The following NRCAM variants were observed in gnomAD, a reference collection of about 807,000 sequenced individuals.
The protein encoded by NRCAM is neuronal cell adhesion molecule.
In NRCAM, 83 loss-of-function variants were observed where a neutral mutation model predicts 156.5. The observed-to-expected ratio is 0.53, with a 90% confidence interval of 0.44 to 0.64. The LOEUF (loss-of-function observed/expected upper bound fraction) is 0.64, where lower values mean the gene tolerates loss of function less well. Ranked by LOEUF, NRCAM falls within the 30% of genes least tolerant of loss-of-function variation. The pLI is 0.00. For synonymous variants in NRCAM, 538 were observed against 563.9 expected, an observed-to-expected ratio of 0.95 and a Z score of 0.65; for missense variants, 1,417 against 1,597.3, an observed-to-expected ratio of 0.89 and a Z score of 1.92.
intron 2 of NRCAM, among the ~76,000 whole-genome samples, chr7:108,391,242 T>G (rs555985989): frequency 7.9e-5 from 12 of 152,264 alleles, no homozygotes; most frequent in African/African-American, 2.9e-4. Context: ...ACTTGCTTTA[T>G]GAATCTGGGT....
chr7:108,379,529 T>C (rs2099691930), intron 2 of NRCAM, among the ~76,000 whole-genome samples: 1 of 152,068 alleles, frequency 6.6e-6, no homozygotes, highest in African/African-American at 2.4e-5. Flanking sequence ...GTTCTGGAGA[T>C]TGGTTGCCTG....
chr7:108,317,913 A>G (rs1005255943), intron 2 of NRCAM, among the ~76,000 whole-genome samples: 1 of 151,392 alleles, frequency 6.6e-6, no homozygotes, highest in Admixed American at 6.6e-5. Context: ...AGTCCCAGAA[A>G]AAAAAAAAAA....
rs1168191688 is a variant in NRCAM, at chr7:108,226,196, CT to C, written c.721+11del. On this transcript the variant is annotated intron_variant, in intron 9 of 32. Coordinates refer to ENST00000379028, the MANE Select transcript of NRCAM (RefSeq NM_001037132.4). ...GTCATTGAAGGGGAGATTTGGGAAG[CT>C]GAACTCTTACCTGAAATCACCTTCA... The C allele has an allele frequency of 6.4e-7, 1 of 1,565,394 alleles. No homozygotes were observed. The highest frequency in any genetic ancestry group is 8.6e-7 in the Non-Finnish European group (1 of 1,157,610).
At chr7:108,421,301 T>C (rs569973122) in intron 1 of NRCAM, among the ~76,000 whole-genome samples, 2 of 152,306 alleles carry the variant, frequency 1.3e-5, no homozygotes, top group South Asian at 2.1e-4. Flanking sequence ...TTTAGCTAAT[T>C]TGCAAAAACT....
At chr7:108,194,540 G>T in intron 15 of NRCAM, 112 bp from the exon 16 acceptor site, 2 of 697,018 alleles carry the variant, frequency 2.9e-6, no homozygotes, top group Non-Finnish European at 4.6e-6. Context: ...AAAGTTGCAA[G>T]GCTAGAAGGA....
intron 3 of NRCAM, among the ~76,000 whole-genome samples, chr7:108,306,767 A>T (rs780414512): frequency 6.6e-6 from 1 of 152,190 alleles, no homozygotes; most frequent in Non-Finnish European, 1.5e-5. Context: ...CAGAGTGGAA[A>T]CAGAATTACC....
chr7:108,402,970 G>A (rs2099797277), intron 1 of NRCAM, among the ~76,000 whole-genome samples: 2 of 152,198 alleles, frequency 1.3e-5, no homozygotes, highest in South Asian at 2.1e-4. Context: ...CATGTGAAAG[G>A]TGTCAGTCCC....
intron 1 of NRCAM, among the ~76,000 whole-genome samples, chr7:108,414,166 G>A (rs1169905505): frequency 6.6e-6 from 1 of 152,192 alleles, no homozygotes; most frequent in Non-Finnish European, 1.5e-5. Context: ...TAAGAGACAG[G>A]AGACAAGAAG....
chr7:108,409,631 T>C (rs1368439766), intron 1 of NRCAM, among the ~76,000 whole-genome samples: 1 of 152,206 alleles, frequency 6.6e-6, no homozygotes, highest in Non-Finnish European at 1.5e-5. Flanking sequence ...AGACCCCATT[T>C]TGGGGGAGGA....
At chr7:108,306,711 A>G (rs907189164) in intron 3 of NRCAM, among the ~76,000 whole-genome samples, 6 of 152,202 alleles carry the variant, frequency 3.9e-5, no homozygotes, top group Non-Finnish European at 7.3e-5. Context: ...ATGTTATTTA[A>G]TGAGAATTCA....
intron 2 of NRCAM, among the ~76,000 whole-genome samples, chr7:108,388,940 C>A (rs192735145): frequency 6.6e-6 from 1 of 152,132 alleles, no homozygotes; most frequent in African/African-American, 2.4e-5. Context: ...GTACCAGTAC[C>A]ATGCTGTTTT....
At chr7:108,364,269 A>G (rs1476188813) in intron 2 of NRCAM, among the ~76,000 whole-genome samples, 4 of 152,252 alleles carry the variant, frequency 2.6e-5, no homozygotes, top group South Asian at 2.1e-4. Context: ...CAACATCATT[A>G]GTCATTAAGA....
chr7:108,444,024 G>A (rs1841755122), intron 1 of NRCAM, among the ~76,000 whole-genome samples: 1 of 152,034 alleles, frequency 6.6e-6, no homozygotes, highest in African/African-American at 2.4e-5. Context: ...GTATCCCTGG[G>A]TTTTGCATCT....
At position 108,377,154 on chromosome 7, in the gene NRCAM, CA is replaced by C. The variant is rs981362526; in HGVS notation, c.-174+22281del. ...ACTACAGCCTGGGAGACCCTGCCTC[CA>C]AAAAAAATTGAAAGTGAATGGAACA... On this transcript the variant is annotated intron_variant, in intron 2 of 32. Transcript: ENST00000379028. Among the ~76,000 whole-genome samples the C allele has an allele frequency of 2.0e-5, 3 of 151,188 alleles. No homozygotes were observed. In the East Asian group the frequency reaches 5.8e-4, roughly 29 times the overall value.
At chr7:108,190,968 C>T (rs1190264390) in intron 19 of NRCAM, among the ~76,000 whole-genome samples, 1 of 152,148 alleles carries the variant, frequency 6.6e-6, no homozygotes, top group African/African-American at 2.4e-5. Flanking sequence ...CACTATGCTA[C>T]TTTAAAAGGA....
At chr7:108,430,708 A>G (rs923101360) in intron 1 of NRCAM, among the ~76,000 whole-genome samples, 6 of 152,166 alleles carry the variant, frequency 3.9e-5, no homozygotes, top group African/African-American at 1.4e-4. Context: ...GCCTGTGAAT[A>G]TTCTCATTTC....
chr7:108,210,416 T>G (rs2083535975), intron 11 of NRCAM, among the ~76,000 whole-genome samples: 1 of 152,120 alleles, frequency 6.6e-6, no homozygotes, highest in African/African-American at 2.4e-5. Context: ...CTAGCTAATT[T>G]TTTGTATTTT....
At chr7:108,208,854 C>T (rs1333685481) in intron 12 of NRCAM, among the ~76,000 whole-genome samples, 1 of 152,090 alleles carries the variant, frequency 6.6e-6, no homozygotes, top group African/African-American at 2.4e-5. Context: ...TTATTATTGA[C>T]GTTAACATTC....
At position 108,182,241 on chromosome 7, in the gene NRCAM, C is replaced by T. The variant is rs113143373; in HGVS notation, c.2531-304G>A. 9.7e-3 allele frequency among the ~76,000 whole-genome samples: 1,471 copies of T among 152,206 alleles called. 34 individuals are homozygous for T. Among genetic ancestry groups the T allele is most frequent in the African/African-American group, 0.034 (1,412 of 41,524 alleles). On this transcript the variant is annotated intron_variant, in intron 23 of 32. Transcript: ENST00000379028. ...AAGTACAATTGACCCTTGAACAACA[C>T]GGGTTTGAACTGCATGGGTCCACTT...
Sources: allele counts gnomAD v4.1 joint callset (sites outside exome capture counted in the v4.1 genomes callset), GRCh38; gene constraint gnomAD v4.1.1; transcripts MANE v1.5; gene names NCBI Gene and HGNC (gene_info 2026-07-23, HGNC 2026-07-21).